Variants in CHD7 observed in about 807,000 individuals in gnomAD.
CHD7 encodes ATP-dependent chromatin remodeler CHD7.
In CHD7, 24 loss-of-function variants were observed where a neutral mutation model predicts 307.3. The observed-to-expected ratio is 0.08, with a 90% CI of 0.06 to 0.11. The LOEUF (loss-of-function observed/expected upper bound fraction) is 0.11, where lower values mean the gene tolerates loss of function less well. Ranked by LOEUF, CHD7 falls within the 10% of genes least tolerant of loss-of-function variation. CHD7 has a pLI of 1.00. For synonymous variants in CHD7, 1,363 were observed against 1,349.9 expected (o/e 1.01, Z -0.21); for missense variants, 3,106 against 3,727.1 (o/e 0.83, Z 4.34).
At chr8:60,794,132 A>G (rs1811902796) in intron 3 of CHD7, among the ~76,000 whole-genome samples, 2 of 152,180 alleles carry the variant, frequency 1.3e-5, no homozygotes, top group Admixed American at 6.5e-5. Flanking sequence ...CAAAAAATAA[A>G]AAAAAAACTG....
intron 17 of CHD7, 135 bp downstream of exon 17, chr8:60,837,147 C>T: frequency 1.5e-6 from 1 of 663,734 alleles, no homozygotes; most frequent in Non-Finnish European, 2.5e-6. Context: ...GAGCAAATAA[C>T]CAACTAGTAA....
At chr8:60,778,028 T>G (rs1265010075) in intron 2 of CHD7, among the ~76,000 whole-genome samples, 1 of 147,720 alleles carries the variant, frequency 6.8e-6, no homozygotes, top group Admixed American at 7.0e-5. Flanking sequence ...CAGTGGGAAT[T>G]GATGGGAAAA....
intron 1 of CHD7, among the ~76,000 whole-genome samples, chr8:60,681,334 C>G (rs983143575): frequency 5.3e-5 from 8 of 152,152 alleles, no homozygotes; most frequent in Admixed American, 1.3e-4. Context: ...GTGTTTTTGT[C>G]TTGCTGTTGC....
At chr8:60,735,719 A>AT (rs1808671782) in intron 1 of CHD7, among the ~76,000 whole-genome samples, 1 of 152,150 alleles carries the variant, frequency 6.6e-6, no homozygotes, top group African/African-American at 2.4e-5. Context: ...AGGAGAAAAT[A>AT]TTTTTTATGA....
At chr8:60,816,123 CT>C (rs1803732685) in intron 7 of CHD7, among the ~76,000 whole-genome samples, 3 of 104,160 alleles carry the variant, frequency 2.9e-5, no homozygotes, top group African/African-American at 9.6e-5. Context: ...GTCTCTCTCT[CT>C]CTCTCTCTCT....
At chr8:60,739,495 T>G (rs950702440) in intron 1 of CHD7, among the ~76,000 whole-genome samples, 1 of 152,228 alleles carries the variant, frequency 6.6e-6, no homozygotes, top group African/African-American at 2.4e-5. Context: ...CAGCGTGTTT[T>G]CAGTAAAATA....
At chr8:60,827,401 A>T (rs1804302503) in intron 13 of CHD7, among the ~76,000 whole-genome samples, 1 of 152,222 alleles carries the variant, frequency 6.6e-6, no homozygotes, top group South Asian at 2.1e-4. Context: ...ACTGGGAGAC[A>T]CGATATCAAT....
intron 21 of CHD7, among the ~76,000 whole-genome samples, chr8:60,844,298 A>AT (rs1805104391): frequency 6.6e-6 from 1 of 152,184 alleles, no homozygotes. Context: ...GGTTGGCAGA[A>AT]TATCTTGCCT....
At chr8:60,708,581 T>G (rs894202875) in intron 1 of CHD7, among the ~76,000 whole-genome samples, 1 of 152,200 alleles carries the variant, frequency 6.6e-6, no homozygotes, top group South Asian at 2.1e-4. Flanking sequence ...CATTTCTAAC[T>G]GTAGGATCTG....
Position 60,853,106 on chromosome 8 carries a change from A to G in CHD7, c.6381A>G (p.Ala2127=), listed in dbSNP as rs1181483398. 3 of 1,613,874 alleles carry G rather than the reference A, an allele frequency of 1.9e-6. No individual in the cohort carries two copies. Among genetic ancestry groups the G allele is most frequent in the South Asian group, 1.1e-5 (1 of 91,076 alleles). The change falls in exon 31 of 38, where the codon GCA becomes GCG. Residue 2127 remains alanine (A), a synonymous_variant. Transcript: ENST00000423902. The part of the protein sequence containing the change: ...LNDPELSFLD[A]HKNFAQNRGA... ...ACCCTGAGTTATCCTTCTTGGATGC[A>G]CATAAAAACTTTGCTCAAAACAGAG...
intron 3 of CHD7, among the ~76,000 whole-genome samples, chr8:60,793,891 G>A (rs1279535767): frequency 6.6e-6 from 1 of 152,176 alleles, no homozygotes; most frequent in Non-Finnish European, 1.5e-5. Context: ...GGGAGGCCGA[G>A]GCAGGTGGAT....
At chr8:60,687,150 C>G (rs1805944874) in intron 1 of CHD7, among the ~76,000 whole-genome samples, 3 of 152,176 alleles carry the variant, frequency 2.0e-5, no homozygotes. Flanking sequence ...ATTATTTCAA[C>G]ACACCTAAAA....
At chr8:60,850,670 A>G in intron 26 of CHD7, 48 bp downstream of exon 26, 2 of 1,559,556 alleles carry the variant, frequency 1.3e-6, no homozygotes, top group Non-Finnish European at 1.7e-6. Context: ...TCAGTTTCAC[A>G]TCTATTGGCA....
At chr8:60,783,788 C>T (rs1811371588) in intron 3 of CHD7, among the ~76,000 whole-genome samples, 1 of 152,106 alleles carries the variant, frequency 6.6e-6, no homozygotes, top group Non-Finnish European at 1.5e-5. Context: ...GGGCGGGGCA[C>T]AAAGAGTGTT....
chr8:60,822,036 G>T lies in CHD7; in HGVS notation c.2848G>T (p.Ala950Ser), dbSNP rs563272521. The T allele has an allele frequency of 6.2e-7, 1 of 1,613,720 alleles. No homozygotes were observed. The highest frequency in any genetic ancestry group is 8.5e-7 in the Non-Finnish European group (1 of 1,179,822). Residue 950 changes from alanine (A) to serine (S), a missense_variant, in exon 11 of 38, where the codon GCT becomes TCT. Around this residue, in one of 10 missense-constraint regions of CHD7, gnomAD observed 188 missense variants for 261.7 expected, o/e 0.72. Coordinates refer to ENST00000423902, the MANE Select transcript of CHD7 (RefSeq NM_017780.4). ...PETERVERPP[A>S]DDWKKSESSR... ...ATATTTGAAACAGGAGCGACCTCCT[G>T]CTGATGATTGGAAGAAATCGGAGAG...
At chr8:60,725,121 G>A (rs192691342) in intron 1 of CHD7, among the ~76,000 whole-genome samples, 3 of 152,318 alleles carry the variant, frequency 2.0e-5, no homozygotes, top group Admixed American at 2.0e-4. Context: ...AGAGGGGCGG[G>A]AACACCTAGC....
intron 7 of CHD7, among the ~76,000 whole-genome samples, chr8:60,815,127 G>A (rs955970338): frequency 6.6e-6 from 1 of 152,242 alleles, no homozygotes; most frequent in African/African-American, 2.4e-5. Context: ...TAAGTCATAT[G>A]TATTTAAAAT....
intron 9 of CHD7, 91 bp from the exon 10 acceptor site, chr8:60,821,675 CATATATATACACACATACATATCT>C: frequency 1.3e-6 from 1 of 767,000 alleles, no homozygotes; most frequent in East Asian, 2.9e-5. Flanking sequence ...TATGTATAAA[CATATATATACACACATACATATCT>C]ATATGTATAA....
chr8:60,867,510 C>T lies in CHD7; in HGVS notation c.*1577C>T, dbSNP rs886063052. 6.6e-6 allele frequency: 1 copy of T among 152,234 alleles called. No homozygotes were observed. Among genetic ancestry groups the T allele is most frequent in the South Asian group, 2.1e-4 (1 of 4,834 alleles). The allele number at this position is 152,234 out of a possible 1,614,324, so 9.4% of individuals were successfully genotyped here. ...TTTAAAGTAAAATATAATTTGAGAT[C>T]TACTGTTTTCACCTTTTTATGTCAC... is the stretch of plus-strand genomic sequence containing the variant. On this transcript the variant is annotated 3_prime_UTR_variant, in exon 38 of 38. Coordinates refer to ENST00000423902, the MANE Select transcript of CHD7 (RefSeq NM_017780.4).
Sources: gnomAD v4.1 joint callset for allele counts (sites outside exome capture counted in the v4.1 genomes callset) on GRCh38, gnomAD v4.1.1 for gene constraint, gnomAD v4.1.1 regional missense constraint, MANE v1.5 for transcripts, NCBI Gene and HGNC (gene_info 2026-07-23, HGNC 2026-07-21) for gene names.